The following DPP10 variants were observed in gnomAD, a reference collection of about 807,000 sequenced individuals.
DPP10 encodes the protein inactive dipeptidyl peptidase 10.
Under a neutral mutation model 120.9 loss-of-function variants are expected in DPP10, and 33 were observed. The observed-to-expected ratio is 0.27, with a 90% CI of 0.21 to 0.37. The LOEUF (loss-of-function observed/expected upper bound fraction) is 0.37, where lower values mean the gene tolerates loss of function less well. Among genes scored for constraint, DPP10 ranks in the 10% least tolerant of loss-of-function variants. The pLI, the probability that DPP10 is intolerant of heterozygous loss-of-function variation, is 1.00. For synonymous variants in DPP10, 337 were observed against 326.1 expected (o/e 1.03, Z -0.36); for missense variants, 816 against 942.8 (o/e 0.87, Z 1.76).
intron 1 of DPP10, among the ~76,000 whole-genome samples, chr2:114,895,009 C>T (rs1345364405): frequency 6.6e-6 from 1 of 152,126 alleles, no homozygotes; most frequent in East Asian, 1.9e-4. Context: ...ACTACTTAAA[C>T]TCTGTGTTTT....
At chr2:115,429,362 C>T (rs1391345419) in intron 3 of DPP10, among the ~76,000 whole-genome samples, 1 of 151,948 alleles carries the variant, frequency 6.6e-6, no homozygotes, top group Non-Finnish European at 1.5e-5. Context: ...ATGTAAAATT[C>T]AACAAGCTAG....
intron 1 of DPP10, among the ~76,000 whole-genome samples, chr2:114,790,940 G>A (rs1262626796): frequency 6.6e-6 from 1 of 152,122 alleles, no homozygotes; most frequent in East Asian, 1.9e-4. Context: ...ACATAATGAT[G>A]TTGGTGATTG....
chr2:115,253,204 A>G (rs1180350590), intron 1 of DPP10, among the ~76,000 whole-genome samples: 1 of 152,098 alleles, frequency 6.6e-6, no homozygotes, highest in Non-Finnish European at 1.5e-5. Flanking sequence ...TTAAACAACC[A>G]GATGTTGTGA....
intron 1 of DPP10, among the ~76,000 whole-genome samples, chr2:115,024,119 G>T (rs2420583): frequency 0.98 from 148,632 of 152,190 alleles, 72,685 homozygotes; most frequent in Middle Eastern, 1. Flanking sequence ...AACTTATTCA[G>T]GTAACCAAAC....
chr2:115,753,967 C>T (rs542290132), intron 11 of DPP10, among the ~76,000 whole-genome samples: 19 of 152,098 alleles, frequency 1.2e-4, no homozygotes, highest in South Asian at 2.1e-4. Flanking sequence ...AGATGGAGTA[C>T]GTGTTACCTG....
chr2:115,320,284 T>C (rs2061996524), intron 2 of DPP10, among the ~76,000 whole-genome samples: 1 of 152,188 alleles, frequency 6.6e-6, no homozygotes, highest in African/African-American at 2.4e-5. Context: ...GTAAGTGAAT[T>C]TTAAAAATCC....
intron 1 of DPP10, among the ~76,000 whole-genome samples, chr2:114,953,828 T>C (rs1697980697): frequency 6.6e-6 from 1 of 152,172 alleles, no homozygotes; most frequent in Admixed American, 6.5e-5. Flanking sequence ...TTATTTATTA[T>C]ACTTTGATTC....
At chr2:115,188,444 A>C (rs1000453802) in intron 1 of DPP10, among the ~76,000 whole-genome samples, 1 of 152,208 alleles carries the variant, frequency 6.6e-6, no homozygotes, top group Non-Finnish European at 1.5e-5. Context: ...CACGGAAATT[A>C]ACTCAGAGGG....
chr2:115,721,144 A>G (rs2092639788), intron 7 of DPP10, among the ~76,000 whole-genome samples: 1 of 152,300 alleles, frequency 6.6e-6, no homozygotes, highest in Non-Finnish European at 1.5e-5. Flanking sequence ...CATTTAAGAC[A>G]TATGTTAGGA....
intron 1 of DPP10, among the ~76,000 whole-genome samples, chr2:114,481,959 GGA>G (rs145578051): frequency 5.1e-4 from 76 of 149,194 alleles, no homozygotes; most frequent in African/African-American, 1.7e-3. Flanking sequence ...GAGGAGGAGA[GGA>G]GAGAGAGAGA....
chr2:115,260,840 T>C (rs1000252775), intron 1 of DPP10, among the ~76,000 whole-genome samples: 2 of 152,168 alleles, frequency 1.3e-5, no homozygotes, highest in Non-Finnish European at 2.9e-5. Flanking sequence ...TCAGAGTCTA[T>C]CCTTGGGTTC....
chr2:114,932,182 G>A (rs1015667846), intron 1 of DPP10, among the ~76,000 whole-genome samples: 1 of 152,198 alleles, frequency 6.6e-6, no homozygotes, highest in Non-Finnish European at 1.5e-5. Context: ...ATAGAGCCAG[G>A]CAATTTGTTT....
intron 1 of DPP10, among the ~76,000 whole-genome samples, chr2:114,582,835 T>C (rs938837844): frequency 3.3e-5 from 5 of 152,206 alleles, no homozygotes; most frequent in Non-Finnish European, 7.3e-5. Flanking sequence ...ATTAAAAATT[T>C]GAACTCAACT....
At chr2:115,274,497 C>T (rs2059828782) in intron 1 of DPP10, among the ~76,000 whole-genome samples, 1 of 151,992 alleles carries the variant, frequency 6.6e-6, no homozygotes, top group African/African-American at 2.4e-5. Context: ...CCGAGATCCT[C>T]CAGAGCTCTG....
chr2:115,656,641 A>G (rs1249854641), intron 5 of DPP10, among the ~76,000 whole-genome samples: 2 of 151,870 alleles, frequency 1.3e-5, no homozygotes, highest in Non-Finnish European at 3.0e-5. Context: ...AATTCAGATA[A>G]TGTAGACTGT....
intron 5 of DPP10, among the ~76,000 whole-genome samples, chr2:115,591,734 A>G (rs2082677093): frequency 6.6e-6 from 1 of 152,148 alleles, no homozygotes; most frequent in South Asian, 2.1e-4. Context: ...GAATCTATAA[A>G]TTATCTTGGG....
In DPP10 at chr2:115,842,329, CAGA is replaced by C; in HGVS notation, c.2382_2384del (p.Glu794del). On this transcript the variant is annotated inframe_deletion, in exon 26 of 26. Transcript: ENST00000410059. ...GAAATATCTGTGCTACCACAGGAAC[CAGA>C]AGAAGATGAATAATGGACTGTATTT... The C allele has an allele frequency of 1.2e-6, 2 of 1,613,614 alleles. No individual in the cohort carries two copies. Among genetic ancestry groups the C allele is most frequent in the Non-Finnish European group, 1.7e-6 (2 of 1,179,712 alleles).
chr2:114,477,728 T>A (rs774224744), intron 1 of DPP10, among the ~76,000 whole-genome samples: 1 of 151,182 alleles, frequency 6.6e-6, no homozygotes, highest in Non-Finnish European at 1.5e-5. Context: ...TATATACATA[T>A]ATACACATAC....
At chr2:115,797,869 A>G (rs1414994710) in intron 19 of DPP10, among the ~76,000 whole-genome samples, 1 of 151,932 alleles carries the variant, frequency 6.6e-6, no homozygotes, top group African/African-American at 2.4e-5. Context: ...ATTTAGATAA[A>G]TTTATAGATA....
Sources: gnomAD v4.1 joint callset for allele counts (sites outside exome capture counted in the v4.1 genomes callset) on GRCh38, gnomAD v4.1.1 for gene constraint, MANE v1.5 for transcripts, NCBI Gene and HGNC (gene_info 2026-07-23, HGNC 2026-07-21) for gene names.